The following GAB2 variants were observed in gnomAD, a reference collection of about 807,000 sequenced individuals.
GAB2 encodes GRB2-associated-binding protein 2.
GAB2 carries 26 observed loss-of-function variants against 65.5 expected under a neutral mutation model. The ratio of observed to expected loss-of-function variants is 0.40; its 90% CI spans 0.29 to 0.55. GAB2 has a LOEUF of 0.55. Ranked by LOEUF, GAB2 falls within the 20% of genes least tolerant of loss-of-function variation. The probability of loss-of-function intolerance (pLI) is 0.53; values close to 1 mark genes in which losing one functional copy is unlikely to be tolerated. For missense variants in GAB2, 884 were observed against 875.8 expected (o/e 1.01, Z -0.12); for synonymous variants, 321 against 329.6 (o/e 0.97, Z 0.28).
At position 78,219,306 on chromosome 11, in the gene GAB2, T is replaced by C; in HGVS notation, c.1997A>G (p.Gln666Arg). 6.2e-7 allele frequency: 1 copy of C among 1,613,762 alleles called. No homozygotes were observed. Residue 666 changes from glutamine (Q) to arginine (R), a missense_variant, in exon 10 of 10, where the codon CAG becomes CGG. Gln to Arg is a conservative substitution (Grantham distance 43). Transcript: ENST00000361507. Reference protein sequence around the residue: ...NTMQEWTDVRQSSEPSKGAKL With the variant: ...NTMQEWTDVRRSSEPSKGAKL ...GGCACCCTTGGAAGGCTCTGAGGAC[T>C]GCCGCACGTCTGTCCACTCCTGCAT...
intron 1 of GAB2, among the ~76,000 whole-genome samples, chr11:78,364,799 A>G (rs958191384): frequency 1.3e-5 from 2 of 152,226 alleles, no homozygotes; most frequent in African/African-American, 4.8e-5. Context: ...ATACATATTT[A>G]CTACATATCT....
intron 2 of GAB2, among the ~76,000 whole-genome samples, chr11:78,251,114 TAA>T (rs10708329): frequency 1.8e-5 from 2 of 108,788 alleles, no homozygotes; most frequent in East Asian, 5.5e-4. Context: ...AGTTGAAATT[TAA>T]AAAAAAAATG....
At chr11:78,407,847 A>C (rs1371887182) in intron 1 of GAB2, among the ~76,000 whole-genome samples, 3 of 152,172 alleles carry the variant, frequency 2.0e-5, no homozygotes, top group Non-Finnish European at 4.4e-5. Context: ...TGGAAAGACC[A>C]TGGATTTTTC....
Position 78,222,167 on chromosome 11 carries a change from G to T in GAB2, c.1596C>A (p.Asn532Lys). 6.2e-7 allele frequency: 1 copy of T among 1,613,964 alleles called. No homozygotes were observed. The highest frequency in any genetic ancestry group is 8.5e-7 in the Non-Finnish European group (1 of 1,179,812). The change falls in exon 7 of 10, where the codon AAC becomes AAA. Residue 532 changes from asparagine to lysine, a missense_variant. Coordinates refer to ENST00000361507, the MANE Select transcript of GAB2 (RefSeq NM_080491.3). ...AGGGGAGTTCATCGATGACGGTGTT[G>T]TTCCTCAGGTCAAGTGGTGTTGGCT... ...KAKPTPLDLR[N>K]NTVIDELPFK...
At position 78,220,390 on chromosome 11, in the gene GAB2, TA is replaced by T; in HGVS notation, c.1815del (p.Lys606ArgfsTer128). The T allele has an allele frequency of 6.2e-7, 1 of 1,612,552 alleles. No homozygotes were observed. The highest frequency in any genetic ancestry group is 8.5e-7 in the Non-Finnish European group (1 of 1,178,974). ...TAATCAACGCTGCCGGTGCTCTTCT[TA>T]GGGGCAGGACTGTTCGTGCCACTGG... ...PVPSGTNSPA[P>X]KKSTGSVDYL... is the part of the protein sequence containing the mutation. On this transcript the variant is annotated frameshift_variant, in exon 9 of 10. Coordinates refer to ENST00000361507, the MANE Select transcript of GAB2 (RefSeq NM_080491.3). LOFTEE classifies it high-confidence loss of function.
At chr11:78,227,646 A>AAAAAAAAAAAAAAC (rs1565115728) in intron 3 of GAB2, among the ~76,000 whole-genome samples, 7 of 151,494 alleles carry the variant, frequency 4.6e-5, no homozygotes, top group Admixed American at 1.3e-4. Flanking sequence ...AAAAAAAAAA[A>AAAAAAAAAAAAAAC]AGAACTAGCT....
chr11:78,321,527 A>C (rs746813292), intron 1 of GAB2, among the ~76,000 whole-genome samples: 1 of 152,210 alleles, frequency 6.6e-6, no homozygotes. Flanking sequence ...TAAGCGGAGA[A>C]ATGGTTCCTG....
intron 1 of GAB2, among the ~76,000 whole-genome samples, chr11:78,290,519 G>C (rs1423843255): frequency 3.3e-5 from 5 of 152,246 alleles, no homozygotes; most frequent in African/African-American, 7.2e-5. Flanking sequence ...CAAGCATGTA[G>C]AATGAGGCTA....
chr11:78,358,668 C>A (rs1856394303), intron 1 of GAB2, among the ~76,000 whole-genome samples: 1 of 151,770 alleles, frequency 6.6e-6, no homozygotes, highest in African/African-American at 2.4e-5. Flanking sequence ...AAATGTTTAA[C>A]CTAGGCCTCA....
At chr11:78,318,541 A>T (rs1199933176) in intron 1 of GAB2, among the ~76,000 whole-genome samples, 9 of 152,024 alleles carry the variant, frequency 5.9e-5, no homozygotes, top group Middle Eastern at 3.4e-3. Context: ...AGCCCAGACA[A>T]AACAGGATAA....
chr11:78,236,844 C>G (rs1864995445), intron 3 of GAB2, among the ~76,000 whole-genome samples: 1 of 152,060 alleles, frequency 6.6e-6, no homozygotes, highest in Non-Finnish European at 1.5e-5. Flanking sequence ...ATGTCTTACC[C>G]CTAATGTATA....
At chr11:78,378,878 C>T (rs1856664713) in intron 1 of GAB2, among the ~76,000 whole-genome samples, 1 of 152,150 alleles carries the variant, frequency 6.6e-6, no homozygotes, top group African/African-American at 2.4e-5. Flanking sequence ...TCAGACTATA[C>T]CTGCTTAGAT....
chr11:78,320,844 T>G (rs1446267287), intron 1 of GAB2, among the ~76,000 whole-genome samples: 1 of 151,640 alleles, frequency 6.6e-6, no homozygotes, highest in Admixed American at 6.6e-5. Context: ...GTGCTGGGGT[T>G]ACAGGCATGA....
intron 1 of GAB2, among the ~76,000 whole-genome samples, chr11:78,397,065 A>G (rs1177674762): frequency 1.3e-5 from 2 of 152,238 alleles, no homozygotes; most frequent in African/African-American, 2.4e-5. Flanking sequence ...GCTATTTATT[A>G]ATATTATTTT....
chr11:78,270,781 T>A (rs1042515137), intron 2 of GAB2, among the ~76,000 whole-genome samples: 2 of 152,220 alleles, frequency 1.3e-5, no homozygotes, highest in Admixed American at 6.5e-5. Flanking sequence ...AAAAGTGAAG[T>A]GAGCAGCTGC....
At chr11:78,390,336 G>A (rs1856819114) in intron 1 of GAB2, among the ~76,000 whole-genome samples, 1 of 152,130 alleles carries the variant, frequency 6.6e-6, no homozygotes. Flanking sequence ...AAAAAGACTT[G>A]TTCCTTTGGG....
chr11:78,277,730 T>A (rs1866214484), intron 2 of GAB2, among the ~76,000 whole-genome samples: 2 of 152,114 alleles, frequency 1.3e-5, no homozygotes, highest in Admixed American at 1.3e-4. Flanking sequence ...AAGGGAAGAA[T>A]CAGGAGAGAA....
At chr11:78,326,958 A>C (rs1446008326) in intron 1 of GAB2, among the ~76,000 whole-genome samples, 1 of 152,196 alleles carries the variant, frequency 6.6e-6, no homozygotes, top group African/African-American at 2.4e-5. Context: ...GATGGGATGA[A>C]GGCTAAGAAG....
intron 1 of GAB2, among the ~76,000 whole-genome samples, chr11:78,392,652 G>A (rs1293233746): frequency 6.6e-6 from 1 of 152,196 alleles, no homozygotes; most frequent in Non-Finnish European, 1.5e-5. Context: ...AGGTAATGAA[G>A]ATGGGGGTAC....
Sources: allele counts gnomAD v4.1 joint callset (sites outside exome capture counted in the v4.1 genomes callset), GRCh38; gene constraint gnomAD v4.1.1; transcripts MANE v1.5; gene names NCBI Gene and HGNC (gene_info 2026-07-23, HGNC 2026-07-21).